FIGN: variants seen among roughly 807,000 people sequenced by gnomAD.
FIGN encodes the protein fidgetin, microtubule severing factor, also known as fidgetin.
A neutral mutation model predicts 51.3 loss-of-function variants in FIGN; 11 were observed. The observed-to-expected ratio is 0.21, with a 90% CI of 0.13 to 0.35. The LOEUF (loss-of-function observed/expected upper bound fraction) is 0.35, where lower values mean the gene tolerates loss of function less well. FIGN is among the 10% of genes least tolerant of loss of function. The probability of loss-of-function intolerance (pLI) is 1.00; values close to 1 mark genes in which losing one functional copy is unlikely to be tolerated. For synonymous variants in FIGN, 407 were observed against 363.2 expected, an observed-to-expected ratio of 1.12 and a Z score of -1.37; for missense variants, 857 against 943.6, an observed-to-expected ratio of 0.91 and a Z score of 1.20.
chr2:163,649,013 A>G (rs1683428474), intron 2 of FIGN, among the ~76,000 whole-genome samples: 1 of 152,202 alleles, frequency 6.6e-6, no homozygotes. Context: ...ATTTAATTCA[A>G]GTCTATTCTT....
intron 2 of FIGN, among the ~76,000 whole-genome samples, chr2:163,635,771 G>A (rs1395812121): frequency 1.3e-5 from 2 of 152,042 alleles, no homozygotes; most frequent in African/African-American, 2.4e-5. Context: ...ATTTAAGTAA[G>A]GTTGCACCAT....
In FIGN at chr2:163,609,779, T is replaced by C; in HGVS notation, c.2053A>G (p.Thr685Ala). ...DKEFALLVQRTEGFSGLDVAH... is the reference protein window; with the variant it reads ...DKEFALLVQRAEGFSGLDVAH... ...ACATCTAGTCCAGAAAAGCCTTCTG[T>C]GCGCTGGACGAGCAGTGCAAACTCC... Residue 685 changes from threonine (T) to alanine (A), a missense_variant, in exon 3 of 3, where the codon ACA (threonine) becomes GCA (alanine). Physicochemically the swap from Thr to Ala is moderately conservative, Grantham distance 58. This residue lies in a region of FIGN where 799 missense variants were observed against 849.5 expected (regional missense o/e 0.94). Transcript: ENST00000333129. 1 of 1,614,146 alleles carries C rather than the reference T, an allele frequency of 6.2e-7. No individual in the cohort carries two copies. Among genetic ancestry groups the C allele is most frequent in the Non-Finnish European group, 8.5e-7 (1 of 1,180,016 alleles).
intron 2 of FIGN, among the ~76,000 whole-genome samples, chr2:163,731,062 G>C (rs1303477143): frequency 6.6e-6 from 1 of 151,994 alleles, no homozygotes; most frequent in African/African-American, 2.4e-5. Context: ...TTGATTTTGG[G>C]CCACTAAAAG....
At chr2:163,616,862 A>G (rs892536226) in intron 2 of FIGN, among the ~76,000 whole-genome samples, 2 of 152,162 alleles carry the variant, frequency 1.3e-5, no homozygotes, top group Admixed American at 1.3e-4. Flanking sequence ...CATACAGAGC[A>G]TTCAAAATTT....
In FIGN at chr2:163,676,484, A is replaced by ATATCTAT. The variant is rs1491432139; in HGVS notation, c.25+58418_25+58419insATAGATA. 1.3e-4 allele frequency among the ~76,000 whole-genome samples: 7 copies of ATATCTAT among 55,730 alleles called. 1 individual carries two copies. The highest frequency in any genetic ancestry group is 1.3e-3 in the South Asian group (2 of 1,550). The allele number at this position is 55,730 out of a possible 152,430, so 36.6% of individuals were successfully genotyped here. A position where few individuals can be genotyped will look rare whatever the true frequency, so the allele number is the denominator to read the frequency against. ...ATATATATATATATATATATATATA[A>ATATCTAT]CTAGAGTCTGTGCACCCGAATCTGA... On this transcript the variant is annotated intron_variant, in intron 2 of 2. Transcript: ENST00000333129.
At chr2:163,642,538 T>C (rs542162100) in intron 2 of FIGN, among the ~76,000 whole-genome samples, 20 of 152,312 alleles carry the variant, frequency 1.3e-4, no homozygotes, top group African/African-American at 4.6e-4. Context: ...GTGCTTTATG[T>C]GCCTTATCTA....
intron 2 of FIGN, among the ~76,000 whole-genome samples, chr2:163,645,492 G>A (rs899618699): frequency 1.6e-4 from 25 of 152,154 alleles, no homozygotes; most frequent in African/African-American, 5.8e-4. Flanking sequence ...ATTAGATAGG[G>A]AGAAAAGAAA....
chr2:163,666,179 A>T (rs1683770666), intron 2 of FIGN, among the ~76,000 whole-genome samples: 1 of 152,186 alleles, frequency 6.6e-6, no homozygotes, highest in Non-Finnish European at 1.5e-5. Flanking sequence ...GGAAGGAGTA[A>T]AGGACAGGAG....
intron 2 of FIGN, among the ~76,000 whole-genome samples, chr2:163,707,542 T>A (rs1684520467): frequency 6.6e-6 from 1 of 152,122 alleles, no homozygotes; most frequent in South Asian, 2.1e-4. Context: ...AGTAAAATAA[T>A]CTTTGTGAAA....
rs59763887 is a variant in FIGN, at chr2:163,730,495, G to T, written c.25+4408C>A. Reference sequence around the variant, plus strand: ...AATATAGGTACAATCTCTCTCTCTTGCTCCGTGTTTGTGTGTGTGTGTGTG... The same window carrying T: ...AATATAGGTACAATCTCTCTCTCTTTCTCCGTGTTTGTGTGTGTGTGTGTG... On this transcript the variant is annotated intron_variant, in intron 2 of 2. Transcript: ENST00000333129. 3.0e-3 allele frequency among the ~76,000 whole-genome samples: 420 copies of T among 141,652 alleles called. 6 individuals are homozygous for T. Among genetic ancestry groups the T allele is most frequent in the African/African-American group, 0.011 (406 of 35,594 alleles). The allele number at this position is 141,652 out of a possible 152,430, so 92.9% of individuals were successfully genotyped here.
Position 163,602,701 on chromosome 2 carries a change from C to T in FIGN, c.*6851G>A, listed in dbSNP as rs1274832291. 1 of 151,840 alleles carries T rather than the reference C, an allele frequency of 6.6e-6. No individual in the cohort carries two copies. Among genetic ancestry groups the T allele is most frequent in the African/African-American group, 2.4e-5 (1 of 41,362 alleles). 9.4% of individuals were successfully genotyped at this position (151,840 alleles called of 1,614,324 possible). A position where few individuals can be genotyped will look rare whatever the true frequency, so the allele number is the denominator to read the frequency against. ...GCATAGCCATATACAACAAATTTTA[C>T]AATAGAGAAAACTTTTCATAAAAAT... On this transcript the variant is annotated 3_prime_UTR_variant, in exon 3 of 3. Transcript: ENST00000333129.
chr2:163,640,776 A>G (rs1031054686), intron 2 of FIGN, among the ~76,000 whole-genome samples: 1 of 152,230 alleles, frequency 6.6e-6, no homozygotes, highest in African/African-American at 2.4e-5. Flanking sequence ...GTCCTCTTAT[A>G]CTAAAGACAA....
intron 2 of FIGN, among the ~76,000 whole-genome samples, chr2:163,662,015 T>G (rs1683693231): frequency 1.3e-5 from 2 of 152,162 alleles, no homozygotes; most frequent in South Asian, 4.1e-4. Context: ...TGGAAGTGAC[T>G]TTGGAACTTG....
chr2:163,611,860 T>C (rs1691270014), intron 2 of FIGN, 54 bp from the exon 3 acceptor site: 2 of 1,464,180 alleles, frequency 1.4e-6, no homozygotes, highest in African/African-American at 2.8e-5. Flanking sequence ...ATCAGAACTC[T>C]TAAAGCTTTT....
At chr2:163,721,017 G>A (rs1344668678) in intron 2 of FIGN, among the ~76,000 whole-genome samples, 1 of 151,808 alleles carries the variant, frequency 6.6e-6, no homozygotes, top group Non-Finnish European at 1.5e-5. Context: ...GAAGGAGGAA[G>A]CAGTAAAAGA....
At position 163,611,175 on chromosome 2, in the gene FIGN, T is replaced by C; in HGVS notation, c.657A>G (p.Leu219=). The change falls in exon 3 of 3, where the codon CTA becomes CTG. Residue 219 remains leucine, a synonymous_variant. Transcript: ENST00000333129. ...PHPSPLHSSG[L]LQPPPPPPPP... ...GAGGAGGTGGTGGTGGGGGCTGTAGTAGCCCAGAGCTATGCAAAGGAGACG... is the reference window on the plus strand; with the variant it reads ...GAGGAGGTGGTGGTGGGGGCTGTAGCAGCCCAGAGCTATGCAAAGGAGACG... The C allele has an allele frequency of 1.2e-6, 2 of 1,614,082 alleles. No homozygotes were observed. The highest frequency in any genetic ancestry group is 8.5e-7 in the Non-Finnish European group (1 of 1,179,982).
intron 2 of FIGN, among the ~76,000 whole-genome samples, chr2:163,697,502 G>T (rs561491000): frequency 6.6e-6 from 1 of 152,100 alleles, no homozygotes; most frequent in Non-Finnish European, 1.5e-5. Flanking sequence ...TTAAATGAGG[G>T]TGAAGGAAGG....
At chr2:163,732,566 A>G (rs1308969793) in intron 2 of FIGN, among the ~76,000 whole-genome samples, 1 of 152,200 alleles carries the variant, frequency 6.6e-6, no homozygotes, top group Non-Finnish European at 1.5e-5. Flanking sequence ...CACTAAATAT[A>G]TTATAAATGT....
chr2:163,703,300 A>G (rs558129805), intron 2 of FIGN, among the ~76,000 whole-genome samples: 1 of 152,246 alleles, frequency 6.6e-6, no homozygotes, highest in African/African-American at 2.4e-5. Context: ...ACTGCTGGGC[A>G]ACTGAAACTG....
Sources: allele counts gnomAD v4.1 joint callset (sites outside exome capture counted in the v4.1 genomes callset), GRCh38; gene constraint gnomAD v4.1.1; regional missense constraint gnomAD v4.1.1; transcripts MANE v1.5; gene names NCBI Gene and HGNC (gene_info 2026-07-23, HGNC 2026-07-21).